Variants in B3GALT1 observed in about 807,000 individuals in gnomAD.
The protein encoded by B3GALT1 is UDP-Gal:betaGlcNAc beta 1,3-galactosyltransferase, polypeptide 1.
B3GALT1 carries 10 observed loss-of-function variants against 23.2 expected under a neutral mutation model. That is an observed-to-expected ratio of 0.43 (90% CI 0.27 to 0.73). B3GALT1 has a LOEUF of 0.73. Among genes scored for constraint, B3GALT1 ranks in the 30% least tolerant of loss-of-function variants. The probability of loss-of-function intolerance (pLI) is 0.21; values close to 1 mark genes in which losing one functional copy is unlikely to be tolerated. For missense variants in B3GALT1, 299 were observed against 405.4 expected, an observed-to-expected ratio of 0.74 and a Z score of 2.25; for synonymous variants, 156 against 141.5, an observed-to-expected ratio of 1.10 and a Z score of -0.73.
intron 2 of B3GALT1, among the ~76,000 whole-genome samples, chr2:167,515,414 T>G (rs1440836160): frequency 1.3e-5 from 2 of 152,114 alleles, no homozygotes; most frequent in Non-Finnish European, 2.9e-5. Context: ...GTGTTGGAGT[T>G]TGAAAAAGAA....
At chr2:167,816,001 A>G (rs546288133) in intron 3 of B3GALT1, among the ~76,000 whole-genome samples, 41 of 152,340 alleles carry the variant, frequency 2.7e-4, no homozygotes, top group Non-Finnish European at 4.7e-4. Context: ...TTGAATGTAG[A>G]TGCATTTTAT....
chr2:167,671,907 CAAAT>C (rs952968211), intron 3 of B3GALT1, among the ~76,000 whole-genome samples: 4 of 151,816 alleles, frequency 2.6e-5, no homozygotes, highest in Admixed American at 2.6e-4. Flanking sequence ...AGAGAAGACT[CAAAT>C]AAATAAAACC....
At chr2:167,715,005 T>G (rs1687121326) in intron 3 of B3GALT1, 1 of 1,611,512 alleles carries the variant, frequency 6.2e-7, no homozygotes, top group African/African-American at 1.3e-5. Flanking sequence ...AGATTTTTAA[T>G]ATGCTCGGTA....
chr2:167,323,491 A>G (rs1696843512), intron 1 of B3GALT1, among the ~76,000 whole-genome samples: 1 of 152,122 alleles, frequency 6.6e-6, no homozygotes. Flanking sequence ...AAACTCAATA[A>G]TGGAGCAAGA....
At chr2:167,652,208 G>A (rs1395000465) in intron 3 of B3GALT1, among the ~76,000 whole-genome samples, 1 of 152,180 alleles carries the variant, frequency 6.6e-6, no homozygotes, top group East Asian at 1.9e-4. Context: ...ACAGAAAGGA[G>A]AAAGCAGCCA....
chr2:167,340,921 A>G (rs1277881718), intron 1 of B3GALT1, among the ~76,000 whole-genome samples: 1 of 152,204 alleles, frequency 6.6e-6, no homozygotes, highest in East Asian at 1.9e-4. Context: ...CTATAATATT[A>G]TGTTCAAGAT....
At chr2:167,640,388 G>T (rs1001148453) in intron 2 of B3GALT1, among the ~76,000 whole-genome samples, 1 of 151,028 alleles carries the variant, frequency 6.6e-6, no homozygotes, top group African/African-American at 2.4e-5. Context: ...TTAATAACAG[G>T]TTACATATGT....
intron 3 of B3GALT1, among the ~76,000 whole-genome samples, chr2:167,768,320 T>A (rs567991351): frequency 4.6e-4 from 70 of 152,276 alleles, no homozygotes; most frequent in African/African-American, 1.7e-3. Flanking sequence ...ACAACAAAAA[T>A]TTTTCTCTAC....
chr2:167,769,546 C>T (rs903473716), intron 3 of B3GALT1, among the ~76,000 whole-genome samples: 13 of 152,134 alleles, frequency 8.5e-5, no homozygotes, highest in African/African-American at 2.7e-4. Flanking sequence ...CCCCAAAATC[C>T]ATCAGGCAAC....
intron 3 of B3GALT1, among the ~76,000 whole-genome samples, chr2:167,794,702 G>A (rs1346416279): frequency 2.0e-5 from 3 of 152,150 alleles, no homozygotes; most frequent in Non-Finnish European, 4.4e-5. Flanking sequence ...GCTATTTGTT[G>A]AGCAAATCCT....
At chr2:167,503,509 TA>T (rs567587293) in intron 2 of B3GALT1, among the ~76,000 whole-genome samples, 79 of 152,292 alleles carry the variant, frequency 5.2e-4, no homozygotes, top group African/African-American at 1.7e-3. Context: ...AGCTTAACAC[TA>T]AAAACTCTTT....
chr2:167,598,355 TTAA>T (rs1684818079), intron 2 of B3GALT1, among the ~76,000 whole-genome samples: 1 of 152,140 alleles, frequency 6.6e-6, no homozygotes, highest in Non-Finnish European at 1.5e-5. Context: ...TATATTTGTT[TTAA>T]TATCAAAAGG....
At chr2:167,734,302 A>G (rs559507809) in intron 3 of B3GALT1, among the ~76,000 whole-genome samples, 34 of 149,748 alleles carry the variant, frequency 2.3e-4, no homozygotes, top group African/African-American at 6.1e-4. Context: ...TGTACAGGGG[A>G]AAAAAAAAAG....
At chr2:167,722,643 G>T (rs1018759287) in intron 3 of B3GALT1, among the ~76,000 whole-genome samples, 3 of 152,176 alleles carry the variant, frequency 2.0e-5, no homozygotes. Flanking sequence ...GCAATAGCAT[G>T]GTAGACAAAC....
chr2:167,667,867 T>C (rs1313059744), intron 3 of B3GALT1, among the ~76,000 whole-genome samples: 1 of 152,200 alleles, frequency 6.6e-6, no homozygotes, highest in East Asian at 1.9e-4. Flanking sequence ...TTTTGAAAGT[T>C]TTCAACTTCT....
intron 1 of B3GALT1, among the ~76,000 whole-genome samples, chr2:167,390,763 C>T (rs1227230319): frequency 6.6e-6 from 1 of 151,548 alleles, no homozygotes; most frequent in Non-Finnish European, 1.5e-5. Context: ...GGTTCTGTGT[C>T]TGAAGCAGGT....
chr2:167,418,132 A>G (rs1285865594), intron 1 of B3GALT1, among the ~76,000 whole-genome samples: 2 of 152,184 alleles, frequency 1.3e-5, no homozygotes, highest in Non-Finnish European at 2.9e-5. Context: ...CCTTCGTTTG[A>G]AAGCAATTTT....
chr2:167,427,483 A>G (rs114406493), intron 1 of B3GALT1, among the ~76,000 whole-genome samples: 2 of 152,226 alleles, frequency 1.3e-5, no homozygotes, highest in Non-Finnish European at 1.5e-5. Flanking sequence ...TTATAAATGT[A>G]TAAGAGAGTT....
intron 1 of B3GALT1, among the ~76,000 whole-genome samples, chr2:167,369,924 TA>T (rs544766958): frequency 1.0e-3 from 156 of 151,508 alleles, no homozygotes; most frequent in Non-Finnish European, 1.8e-3. Flanking sequence ...AGGTGCTATT[TA>T]AAAAAAAATG....
Sources: gnomAD v4.1 joint callset for allele counts (sites outside exome capture counted in the v4.1 genomes callset) on GRCh38, gnomAD v4.1.1 for gene constraint, MANE v1.5 for transcripts, NCBI Gene and HGNC (gene_info 2026-07-23, HGNC 2026-07-21) for gene names.